The following WNK2 variants were observed in gnomAD, a reference collection of about 807,000 sequenced individuals.
WNK2 encodes WNK lysine deficient protein kinase 2.
Under a neutral mutation model 192.1 loss-of-function variants are expected in WNK2, and 67 were observed. That is an observed-to-expected ratio of 0.35 (90% CI 0.29 to 0.43). The LOEUF (loss-of-function observed/expected upper bound fraction) is 0.43, where lower values mean the gene tolerates loss of function less well. Among genes scored for constraint, WNK2 ranks in the 20% least tolerant of loss-of-function variants. WNK2 has a pLI of 1.00. For missense variants in WNK2, 2,698 were observed against 3,089.7 expected (o/e 0.87, Z 3.01); for synonymous variants, 1,439 against 1,393.9 (o/e 1.03, Z -0.72).
chr9:93,303,731 G>A (rs1311027429), intron 26 of WNK2, among the ~76,000 whole-genome samples: 1 of 152,196 alleles, frequency 6.6e-6, no homozygotes, highest in Non-Finnish European at 1.5e-5. Context: ...GCAATGTGGG[G>A]TCATTTAGCT....
At position 93,306,449 on chromosome 9, in the gene WNK2, C is replaced by T. The variant is rs373196549; in HGVS notation, c.6215-328C>T. Among the ~76,000 whole-genome samples the T allele has an allele frequency of 4.6e-5, 7 of 152,310 alleles. No homozygotes were observed. The South Asian group carries it at 6.2e-4, about 14-fold the overall frequency. ...AGAAGCCTGATGTTTGAAAGCCAAG[C>T]GGTGTGCTTTGCTTTTTTCTTTTTT... On this transcript the variant is annotated intron_variant, in intron 26 of 29. Coordinates refer to ENST00000427277, the MANE Select transcript of WNK2 (RefSeq NM_006648.4).
At position 93,185,346 on chromosome 9, in the gene WNK2, C is replaced by G. The variant is rs1039305592; in HGVS notation, c.417C>G (p.Pro139=). Residue 139 remains proline (P), a synonymous_variant, in exon 2 of 30, where the codon CCC becomes CCG. Coordinates refer to ENST00000427277, the MANE Select transcript of WNK2 (RefSeq NM_006648.4). ...IAAAVETAPA[P]DGGPREEAAA... is the part of the protein sequence containing the mutation. ...CCGCTGTCGAAACCGCGCCTGCCCC[C>G]GACGGCGGCCCCAGGGAGGAGGCGG... 9.7e-5 allele frequency: 150 copies of G among 1,548,078 alleles called. No individual in the cohort carries two copies. Among genetic ancestry groups the G allele is most frequent in the Non-Finnish European group, 1.2e-4 (142 of 1,150,244 alleles).
chr9:93,304,901 T>C (rs920483447), intron 26 of WNK2, among the ~76,000 whole-genome samples: 2 of 151,894 alleles, frequency 1.3e-5, no homozygotes, highest in Non-Finnish European at 2.9e-5. Flanking sequence ...GGGGCCCAAG[T>C]TTAGGAGGGG....
intron 2 of WNK2, among the ~76,000 whole-genome samples, chr9:93,225,613 C>T (rs1023569748): frequency 3.9e-5 from 6 of 152,162 alleles, no homozygotes; most frequent in Non-Finnish European, 7.3e-5. Context: ...CCCTACTTCC[C>T]GTTTTTTCTT....
chr9:93,262,043 C>T lies in WNK2; in HGVS notation c.3296C>T (p.Pro1099Leu). 1 of 1,610,552 alleles carries T rather than the reference C, an allele frequency of 6.2e-7. No individual in the cohort carries two copies. The highest frequency in any genetic ancestry group is 2.2e-5 in the East Asian group (1 of 44,806). Residue 1099 changes from proline to leucine, a missense_variant, in exon 13 of 30, where the codon CCT becomes CTT. Transcript: ENST00000427277. ...CTGCCACCAGCAAACCCACCGCTGC[C>T]TGGCGGGCCCGGGATCGCCAGCCCT... is the stretch of plus-strand genomic sequence containing the variant. ...TLLPPANPPL[P>L]GGPGIASPCP...
rs1185349358 is a variant in WNK2 at position 93,270,364 on chromosome 9, T to C, written c.4033+1618T>C. On this transcript the variant is annotated intron_variant, in intron 19 of 29. Coordinates refer to ENST00000427277, the MANE Select transcript of WNK2 (RefSeq NM_006648.4). ...ATACAATATCTGGCACATAATAAAA[T>C]GACCAAAGAGTTGGGTGCTGGGTAA... is the stretch of plus-strand genomic sequence containing the variant. Among the ~76,000 whole-genome samples the C allele has an allele frequency of 3.3e-5, 5 of 152,248 alleles. No homozygotes were observed. In the East Asian group the frequency reaches 9.6e-4, roughly 29 times the overall value.
At chr9:93,240,874 G>C (rs1840648858) in intron 7 of WNK2, among the ~76,000 whole-genome samples, 1 of 152,160 alleles carries the variant, frequency 6.6e-6, no homozygotes, top group African/African-American at 2.4e-5. Flanking sequence ...AGTCCTACTG[G>C]CCACATTTCA....
At chr9:93,318,797 C>T (rs150714571) in intron 29 of WNK2, 10 of 1,411,314 alleles carry the variant, frequency 7.1e-6, no homozygotes, top group Non-Finnish European at 8.3e-6. Context: ...TTCAGTGGGA[C>T]TCGTCCCCAG....
rs1245673262 is a variant in WNK2 at position 93,262,785 on chromosome 9, C to T, written c.3410+66C>T. 2.6e-6 allele frequency: 4 copies of T among 1,554,914 alleles called. No individual in the cohort carries two copies. The African/African-American group carries it at 5.4e-5, about 21-fold the overall frequency. Reference sequence around the variant, plus strand: ...GGCGCAGGCCTGTACAGCCACTCAGCCTGGCTCCTGCTGCTGCTTCCCCTG... The same window carrying T: ...GGCGCAGGCCTGTACAGCCACTCAGTCTGGCTCCTGCTGCTGCTTCCCCTG... On this transcript the variant is annotated intron_variant, in intron 14 of 29. Transcript: ENST00000427277.
chr9:93,231,030 G>A lies in WNK2; in HGVS notation c.997G>A (p.Gly333Arg). ...GAAATGTGACAATATTTTCATCACCGGACCAACTGGGTCTGTGAAGATTGG... is the reference window on the plus strand; with the variant it reads ...GAAATGTGACAATATTTTCATCACCAGACCAACTGGGTCTGTGAAGATTGG... ...DLKCDNIFITGPTGSVKIGDL... is the reference protein window; with the variant it reads ...DLKCDNIFITRPTGSVKIGDL... The change falls in exon 4 of 30, where the codon GGA becomes AGA. Residue 333 changes from glycine (G) to arginine (R), a missense_variant. By Grantham distance (125) the Gly-to-Arg change is moderately radical (BLOSUM62 -2). Around this residue, in one of 7 missense-constraint regions of WNK2, gnomAD observed 230 missense variants for 501.1 expected, o/e 0.46. Transcript: ENST00000427277. 1 of 1,613,736 alleles carries A rather than the reference G, an allele frequency of 6.2e-7. No homozygotes were observed. Among genetic ancestry groups the A allele is most frequent in the Non-Finnish European group, 8.5e-7 (1 of 1,179,838 alleles).
Position 93,259,711 on chromosome 9 carries a change from C to CT in WNK2, c.3066+97_3066+98insT. 1 of 1,232,874 alleles carries CT rather than the reference C, an allele frequency of 8.1e-7. No homozygotes were observed. The highest frequency in any genetic ancestry group is 1.1e-6 in the Non-Finnish European group (1 of 914,388). The allele number at this position is 1,232,874 out of a possible 1,614,324, so 76.4% of individuals were successfully genotyped here. ...GGACAGAGGCAGGCAAGGAGGCAGCCCTGCCTGGGGTCGCCCCTCTCAGGA... is the reference window on the plus strand; with the variant it reads ...GGACAGAGGCAGGCAAGGAGGCAGCCTCTGCCTGGGGTCGCCCCTCTCAGGA... On this transcript the variant is annotated intron_variant, in intron 12 of 29. Coordinates refer to ENST00000427277, the MANE Select transcript of WNK2 (RefSeq NM_006648.4). The surrounding 1 kb of genome is among the most constrained non-coding windows in gnomAD (Gnocchi z 4.8).
In WNK2 at chr9:93,274,339, C is replaced by T. The variant is rs573827768; in HGVS notation, c.4033+5593C>T. Reference sequence around the variant, plus strand: ...CATCCTGGCTAACACGGTGAAACCCCGTCTCTACTAAAAGTACAAAAAATT... The same window carrying T: ...CATCCTGGCTAACACGGTGAAACCCTGTCTCTACTAAAAGTACAAAAAATT... On this transcript the variant is annotated intron_variant, in intron 19 of 29. Coordinates refer to ENST00000427277, the MANE Select transcript of WNK2 (RefSeq NM_006648.4). 3.9e-5 allele frequency among the ~76,000 whole-genome samples: 6 copies of T among 151,948 alleles called. No individual in the cohort carries two copies. In the South Asian group the frequency reaches 6.2e-4, roughly 16 times the overall value.
intron 8 of WNK2, among the ~76,000 whole-genome samples, chr9:93,248,211 G>A (rs1365942791): frequency 1.3e-5 from 2 of 152,230 alleles, no homozygotes; most frequent in Non-Finnish European, 1.5e-5. Context: ...ACCAGCCTGG[G>A]CCCTGTCCCC....
Position 93,289,148 on chromosome 9 carries a change from C to G in WNK2, c.4394C>G (p.Thr1465Ser), listed in dbSNP as rs748146749. ...ACTCCAGCTCCAGAGGCTGCCTCAA[C>G]CAGGGACGCCAGTGCCCCAAGGGAG... is the stretch of plus-strand genomic sequence containing the variant. ...PCTPAPEAAS[T>S]RDASAPREPL... is the part of the protein sequence containing the mutation. Residue 1465 changes from threonine to serine, a missense_variant, in exon 20 of 30, where the codon ACC becomes AGC. Physicochemically the swap from Thr to Ser is moderately conservative, Grantham distance 58 (BLOSUM62 1). This residue lies in a region of WNK2 where 1,098 missense variants were observed against 1,101.0 expected (regional missense o/e 1.00). Transcript: ENST00000427277. 1 of 1,599,688 alleles carries G rather than the reference C, an allele frequency of 6.3e-7. No homozygotes were observed. The highest frequency in any genetic ancestry group is 8.5e-7 in the Non-Finnish European group (1 of 1,173,322).
At chr9:93,260,159 C>T (rs1843990324) in intron 12 of WNK2, among the ~76,000 whole-genome samples, 2 of 152,188 alleles carry the variant, frequency 1.3e-5, no homozygotes, top group Admixed American at 1.3e-4. Flanking sequence ...TACCTCGTGG[C>T]AGCATGCTGG....
rs1323279602 is a variant in WNK2, at chr9:93,239,527, T to G, written c.1323-230T>G. Reference sequence around the variant, plus strand: ...TCATTGAATCTTTTATGAGCATGTTTTTTTTTTTTATAATGAGGGGGAATA... The same window carrying G: ...TCATTGAATCTTTTATGAGCATGTTGTTTTTTTTTATAATGAGGGGGAATA... On this transcript the variant is annotated intron_variant, in intron 6 of 29. Transcript: ENST00000427277. The surrounding 1 kb of genome is among the most constrained non-coding windows in gnomAD (Gnocchi z 4.2). Among the ~76,000 whole-genome samples, 1 of 152,186 alleles carries G rather than the reference T, an allele frequency of 6.6e-6. No individual in the cohort carries two copies. The highest frequency in any genetic ancestry group is 1.9e-4 in the East Asian group (1 of 5,204).
At chr9:93,188,143 T>G (rs1829683338) in intron 2 of WNK2, among the ~76,000 whole-genome samples, 1 of 152,132 alleles carries the variant, frequency 6.6e-6, no homozygotes, top group Non-Finnish European at 1.5e-5. Flanking sequence ...CTTCTTGGAA[T>G]TGCTCTTGGC....
At chr9:93,238,642 T>G (rs1341500760) in intron 6 of WNK2, among the ~76,000 whole-genome samples, 3 of 152,234 alleles carry the variant, frequency 2.0e-5, no homozygotes, top group Admixed American at 1.3e-4. Context: ...CTGTAGCATC[T>G]GAGCACCTGG....
chr9:93,240,247 A>C (rs1296860866), intron 7 of WNK2, among the ~76,000 whole-genome samples: 1 of 152,074 alleles, frequency 6.6e-6, no homozygotes, highest in Non-Finnish European at 1.5e-5. Flanking sequence ...GCAGTGCGGG[A>C]ATTCAGGGTG....
Sources: gnomAD v4.1 joint callset for allele counts (sites outside exome capture counted in the v4.1 genomes callset) on GRCh38, gnomAD v4.1.1 for gene constraint, gnomAD v4.1.1 regional missense constraint, Gnocchi (gnomAD v3.1) non-coding constraint, MANE v1.5 for transcripts, NCBI Gene and HGNC (gene_info 2026-07-23, HGNC 2026-07-21) for gene names.